The following PCDHGA6 variants were observed in gnomAD, a reference collection of about 807,000 sequenced individuals.
PCDHGA6 encodes the protein protocadherin gamma-A6.
PCDHGA6 carries 41 observed loss-of-function variants against 60.6 expected under a neutral mutation model. The observed-to-expected ratio is 0.68, with a 90% CI of 0.53 to 0.88. The LOEUF is 0.88. Ranked by LOEUF, PCDHGA6 falls within the 40% of genes least tolerant of loss-of-function variation. The pLI is 0.00. For missense variants in PCDHGA6, 1,312 were observed against 1,203.0 expected, an observed-to-expected ratio of 1.09 and a Z score of -1.34; for synonymous variants, 594 against 524.4, an observed-to-expected ratio of 1.13 and a Z score of -1.81.
At chr5:141,505,106 G>A (rs934779049) in intron 2 of PCDHGA6, among the ~76,000 whole-genome samples, 1 of 152,188 alleles carries the variant, frequency 6.6e-6, no homozygotes, top group Non-Finnish European at 1.5e-5. Context: ...ATGTTGCAAT[G>A]AGCCAAGATC....
chr5:141,483,756 G>C (rs11739909), intron 1 of PCDHGA6, among the ~76,000 whole-genome samples: 24,641 of 152,020 alleles, frequency 0.16, 2,128 homozygotes, highest in African/African-American at 0.22. Context: ...GAGGATCGAG[G>C]CTTGGAAAAA....
intron 1 of PCDHGA6, chr5:141,399,663 G>A: frequency 6.2e-7 from 1 of 1,613,624 alleles, no homozygotes; most frequent in Non-Finnish European, 8.5e-7. Flanking sequence ...TGGTGTTCGC[G>A]CAGCGCGCCT....
intron 1 of PCDHGA6, among the ~76,000 whole-genome samples, chr5:141,473,191 G>C (rs28479996): frequency 6.6e-6 from 1 of 152,134 alleles, no homozygotes; most frequent in South Asian, 2.1e-4. Flanking sequence ...AGGAGTAAAT[G>C]TATCTTCTAA....
chr5:141,485,408 T>G lies in PCDHGA6; in HGVS notation c.2425-9399T>G. On this transcript the variant is annotated intron_variant, in intron 1 of 3. Transcript: ENST00000517434. The surrounding 1 kb of genome is among the most constrained non-coding windows in gnomAD (Gnocchi z 5.7). ...GAACCAAAGACACTTCCGTGTGGAT[T>G]TGGACAGCGGAGCCCTGCTCATCAA... 1 of 1,614,112 alleles carries G rather than the reference T, an allele frequency of 6.2e-7. No individual in the cohort carries two copies. The highest frequency in any genetic ancestry group is 8.5e-7 in the Non-Finnish European group (1 of 1,180,034).
In PCDHGA6 at chr5:141,487,818, G is replaced by A. The variant is rs1009237001; in HGVS notation, c.2425-6989G>A. On this transcript the variant is annotated intron_variant, in intron 1 of 3. Coordinates refer to ENST00000517434, the MANE Select transcript of PCDHGA6 (RefSeq NM_018919.3). This position sits in a 1 kb window ranked among gnomAD's most constrained non-coding sequence, Gnocchi z 5.0. ...GAGTTGTCACAGTTTAGCATTGGGG[G>A]CGGGTCATGCCTATATCTGAGTAAG... The A allele has an allele frequency of 1.2e-4, 158 of 1,331,596 alleles. No homozygotes were observed. The highest frequency in any genetic ancestry group is 1.4e-4 in the Non-Finnish European group (140 of 970,524). 82.5% of individuals were successfully genotyped at this position (1,331,596 alleles called of 1,614,324 possible). A position where few individuals can be genotyped will look rare whatever the true frequency, so the allele number is the denominator to read the frequency against.
At chr5:141,380,354 T>G (rs1776410216) in intron 1 of PCDHGA6, among the ~76,000 whole-genome samples, 1 of 152,154 alleles carries the variant, frequency 6.6e-6, no homozygotes, top group Admixed American at 6.5e-5. Context: ...TTGTTGTTTG[T>G]TTTTTAGAAA....
chr5:141,413,140 A>T (rs2095607783), intron 1 of PCDHGA6: 1 of 1,563,150 alleles, frequency 6.4e-7, no homozygotes, highest in Non-Finnish European at 8.7e-7. Flanking sequence ...CAACGTGTCC[A>T]GTGAGGACTT....
In PCDHGA6 at chr5:141,432,853, C is replaced by A. The variant is rs748301578; in HGVS notation, c.2424+56346C>A. 1.1e-5 allele frequency: 17 copies of A among 1,614,176 alleles called. No homozygotes were observed. Among genetic ancestry groups the A allele is most frequent in the East Asian group, 4.5e-5 (2 of 44,874 alleles). On this transcript the variant is annotated intron_variant, in intron 1 of 3. Transcript: ENST00000517434. The surrounding 1 kb of genome is among the most constrained non-coding windows in gnomAD (Gnocchi z 6.0). ...CTCTGTACCTGGTGGTAGCGGTGGC[C>A]GCGGTCTCCTGCGTCTTCCTGGCCT...
intron 1 of PCDHGA6, chr5:141,400,330 G>A (rs2094004189): frequency 6.2e-7 from 1 of 1,614,082 alleles, no homozygotes; most frequent in Admixed American, 1.7e-5. Flanking sequence ...TGGACCTGTG[G>A]TTCCCCCCAA....
At position 141,379,535 on chromosome 5, in the gene PCDHGA6, G is replaced by A. The variant is rs1035667412; in HGVS notation, c.2424+3028G>A. On this transcript the variant is annotated intron_variant, in intron 1 of 3. Coordinates refer to ENST00000517434, the MANE Select transcript of PCDHGA6 (RefSeq NM_018919.3). ...ACATCTTGAGCATTTGTTGTTATAGGGAAAGCTCACTAACTACTTTTCATG... is the reference window on the plus strand; with the variant it reads ...ACATCTTGAGCATTTGTTGTTATAGAGAAAGCTCACTAACTACTTTTCATG... 103 of 152,098 alleles carry A rather than the reference G, an allele frequency of 6.8e-4. 1 individual carries two copies. Among genetic ancestry groups the A allele is most frequent in the African/African-American group, 2.4e-3 (101 of 41,410 alleles). 9.4% of individuals were successfully genotyped at this position (152,098 alleles called of 1,614,324 possible).
intron 1 of PCDHGA6, chr5:141,404,354 G>A (rs749866543): frequency 6.2e-7 from 1 of 1,613,916 alleles, no homozygotes; most frequent in Non-Finnish European, 8.5e-7. Flanking sequence ...CAACGCCAGA[G>A]GTACTTCCAT....
At chr5:141,403,960 G>A (rs775638627) in intron 1 of PCDHGA6, 10 of 1,613,658 alleles carry the variant, frequency 6.2e-6, no homozygotes, top group East Asian at 4.5e-5. Flanking sequence ...TGCTCATTTC[G>A]GTGGAAGATG....
chr5:141,500,521 A>T lies in PCDHGA6; in HGVS notation c.2484-4872A>T, dbSNP rs185546944. 3.7e-3 allele frequency among the ~76,000 whole-genome samples: 560 copies of T among 152,176 alleles called. 5 individuals are homozygous for T. Among genetic ancestry groups the T allele is most frequent in the Admixed American group, 0.011 (162 of 15,280 alleles). On this transcript the variant is annotated intron_variant, in intron 2 of 3. Coordinates refer to ENST00000517434, the MANE Select transcript of PCDHGA6 (RefSeq NM_018919.3). Reference sequence around the variant, plus strand: ...ACCGCGCCTGGCCGAGCTTCATTTTAAAAAAATCTCATTCACCTAAATAAG... The same window carrying T: ...ACCGCGCCTGGCCGAGCTTCATTTTTAAAAAATCTCATTCACCTAAATAAG...
At chr5:141,395,358 G>C in intron 1 of PCDHGA6, 1 of 1,346,158 alleles carries the variant, frequency 7.4e-7, no homozygotes, top group Non-Finnish European at 9.9e-7. Flanking sequence ...ACAGAGTTTT[G>C]GGTTTATTTT....
chr5:141,451,182 C>T (rs2154563496), intron 1 of PCDHGA6, among the ~76,000 whole-genome samples: 1 of 152,226 alleles, frequency 6.6e-6, no homozygotes, highest in Non-Finnish European at 1.5e-5. Flanking sequence ...TTAGCCATTG[C>T]TGTGTAACAA....
chr5:141,378,325 C>A (rs1344220335), intron 1 of PCDHGA6: 3 of 152,200 alleles, frequency 2.0e-5, no homozygotes, highest in African/African-American at 7.2e-5. Flanking sequence ...GAGTTCGAGA[C>A]CAGCCTGACC....
chr5:141,470,842 CA>C (rs1300821457), intron 1 of PCDHGA6, among the ~76,000 whole-genome samples: 2 of 152,044 alleles, frequency 1.3e-5, no homozygotes, highest in African/African-American at 4.8e-5. Flanking sequence ...CACACGCCAC[CA>C]TGCTCAGATA....
Position 141,491,905 on chromosome 5 carries a change from G to A in PCDHGA6, c.2425-2902G>A. 7.1e-7 allele frequency: 1 copy of A among 1,418,328 alleles called. No individual in the cohort carries two copies. Among genetic ancestry groups the A allele is most frequent in the Non-Finnish European group, 9.3e-7 (1 of 1,069,952 alleles). 87.9% of individuals were successfully genotyped at this position (1,418,328 alleles called of 1,614,324 possible). ...GATGGGGCTCCGAGCACCGGGGGTG[G>A]TGGCGACTGTGGGCGAGGGGAGGTG... On this transcript the variant is annotated intron_variant, in intron 1 of 3. Transcript: ENST00000517434. This position sits in a 1 kb window ranked among gnomAD's most constrained non-coding sequence, Gnocchi z 6.9.
chr5:141,389,509 C>A, intron 1 of PCDHGA6: 2 of 1,613,118 alleles, frequency 1.2e-6, no homozygotes, highest in Non-Finnish European at 8.5e-7. Flanking sequence ...GCGCTCAGCG[C>A]GAACGTGAGC....
Sources: gnomAD v4.1 joint callset for allele counts (sites outside exome capture counted in the v4.1 genomes callset) on GRCh38, gnomAD v4.1.1 for gene constraint, Gnocchi (gnomAD v3.1) non-coding constraint, MANE v1.5 for transcripts, NCBI Gene and HGNC (gene_info 2026-07-23, HGNC 2026-07-21) for gene names.